The following EP300 variants were observed in gnomAD, a reference collection of about 807,000 sequenced individuals.
The protein encoded by EP300 is EP300 lysine acetyltransferase, also known as histone acetyltransferase p300.
A neutral mutation model predicts 264.0 loss-of-function variants in EP300; 31 were observed. The ratio of observed to expected loss-of-function variants is 0.12; its 90% confidence interval spans 0.09 to 0.16. EP300 has a LOEUF of 0.16. Ranked by LOEUF, EP300 falls within the 10% of genes least tolerant of loss-of-function variation. The probability of loss-of-function intolerance (pLI) is 1.00; values close to 1 mark genes in which losing one functional copy is unlikely to be tolerated. For synonymous variants in EP300, 1,340 were observed against 1,045.4 expected, an observed-to-expected ratio of 1.28 and a Z score of -5.44; for missense variants, 2,766 against 3,052.9, an observed-to-expected ratio of 0.91 and a Z score of 2.21.
At chr22:41,129,170 C>CT (rs397868220) in intron 4 of EP300, among the ~76,000 whole-genome samples, 3 of 135,042 alleles carry the variant, frequency 2.2e-5, no homozygotes, top group Non-Finnish European at 5.1e-5. Context: ...GCCACCATGG[C>CT]GGCTAATTTT....
At chr22:41,118,284 A>T (rs987997521) in intron 2 of EP300, among the ~76,000 whole-genome samples, 1 of 152,210 alleles carries the variant, frequency 6.6e-6, no homozygotes, top group Non-Finnish European at 1.5e-5. Flanking sequence ...GCATTTGTTC[A>T]TGTGAAACCT....
intron 4 of EP300, 101 bp downstream of exon 4, chr22:41,127,849 T>C: frequency 1.4e-6 from 2 of 1,443,846 alleles, no homozygotes; most frequent in Non-Finnish European, 1.9e-6. Flanking sequence ...ATATGTTTAA[T>C]ACCTTAATTG....
chr22:41,096,682 G>A (rs1342868131), intron 1 of EP300, among the ~76,000 whole-genome samples: 4 of 143,062 alleles, frequency 2.8e-5, no homozygotes, highest in Non-Finnish European at 6.0e-5. Context: ...GCAGTAGCTC[G>A]ATCTTGGCTC....
chr22:41,116,026 G>A (rs2058819203), intron 1 of EP300, among the ~76,000 whole-genome samples: 1 of 152,138 alleles, frequency 6.6e-6, no homozygotes, highest in Non-Finnish European at 1.5e-5. Flanking sequence ...TTTGTGTGTA[G>A]ATATTTTAAC....
At chr22:41,147,303 CAAA>C (rs11306415) in intron 11 of EP300, among the ~76,000 whole-genome samples, 17 of 123,124 alleles carry the variant, frequency 1.4e-4, no homozygotes, top group East Asian at 2.3e-4. Flanking sequence ...GACTTCGTCT[CAAA>C]AAAAAAAAAA....
chr22:41,167,814 G>GGTTTGTTTTTTTTTTTTTTTTTTTTTTT, intron 23 of EP300, among the ~76,000 whole-genome samples: 1 of 66,228 alleles, frequency 1.5e-5, no homozygotes, highest in Admixed American at 2.7e-4. Flanking sequence ...GTTTGTTTTT[G>GGTTTGTTTTTTTTTTTTTTTTTTTTTTT]TTTTTTTTTT....
intron 6 of EP300, among the ~76,000 whole-genome samples, chr22:41,132,314 AGTCTCGCTCT>A (rs2058924708): frequency 1.1e-5 from 1 of 91,254 alleles, no homozygotes; most frequent in African/African-American, 4.3e-5. Flanking sequence ...TTTGAGATGG[AGTCTCGCTCT>A]GTTGTCAGGC....
At chr22:41,173,046 C>T (rs1201574127) in intron 28 of EP300, among the ~76,000 whole-genome samples, 1 of 152,092 alleles carries the variant, frequency 6.6e-6, no homozygotes, top group African/African-American at 2.4e-5. Flanking sequence ...TGTAAAAAAC[C>T]ATTCTTAGCT....
chr22:41,096,933 C>T (rs1417905517), intron 1 of EP300, among the ~76,000 whole-genome samples: 1 of 152,130 alleles, frequency 6.6e-6, no homozygotes, highest in African/African-American at 2.4e-5. Flanking sequence ...GCTCTATTTT[C>T]TTAAAATGCC....
intron 18 of EP300, 51 bp from the exon 19 acceptor site, chr22:41,158,361 T>C: frequency 6.7e-7 from 1 of 1,482,736 alleles, no homozygotes; most frequent in Non-Finnish European, 9.4e-7. Context: ...CTTACTGTTC[T>C]AGCTTGTCCT....
Position 41,151,900 on chromosome 22 carries a change from T to G in EP300, c.2885T>G (p.Val962Gly). 1 of 1,614,012 alleles carries G rather than the reference T, an allele frequency of 6.2e-7. No individual in the cohort carries two copies. Among genetic ancestry groups the G allele is most frequent in the Non-Finnish European group, 8.5e-7 (1 of 1,179,998 alleles). Residue 962 changes from valine (V) to glycine (G), a missense_variant, in exon 15 of 31, where the codon GTG becomes GGG. Physicochemically the swap from Val to Gly is moderately radical, Grantham distance 109. Transcript: ENST00000263253. ...CCTCCATCTACTAGTAGCACAGAAG[T>G]GAATTCTCAGGCCATTGCTGAGAAG... ...SNPPSTSSTE[V>G]NSQAIAEKQP...
At chr22:41,112,681 T>TA (rs2058799659) in intron 1 of EP300, among the ~76,000 whole-genome samples, 1 of 150,212 alleles carries the variant, frequency 6.7e-6, no homozygotes, top group African/African-American at 2.5e-5. Flanking sequence ...GTGTTTTTCT[T>TA]ATATTGGCCA....
Position 41,141,644 on chromosome 22 carries a change from A to G in EP300, c.2053+422A>G, listed in dbSNP as rs183409215. On this transcript the variant is annotated intron_variant, in intron 10 of 30. Coordinates refer to ENST00000263253, the MANE Select transcript of EP300 (RefSeq NM_001429.4). The stretch of plus-strand genomic sequence containing the variant: ...CTGTCACACTTTCTACTTGACATAA[A>G]ATATTCTAAGTCTAGGAACTCTTTT... Among the ~76,000 whole-genome samples the G allele has an allele frequency of 3.2e-3, 493 of 152,038 alleles. 4 individuals carry two copies. Among genetic ancestry groups the G allele is most frequent in the African/African-American group, 0.011 (465 of 41,506 alleles).
In EP300 at chr22:41,177,165, G is replaced by C. The variant is rs148026063; in HGVS notation, c.5454G>C (p.Leu1818=). 25 of 1,614,110 alleles carry C rather than the reference G, an allele frequency of 1.5e-5. No individual in the cohort carries two copies. The African/African-American group carries it at 2.9e-4, about 19-fold the overall frequency. The change falls in exon 31 of 31, where the codon CTG becomes CTC. Residue 1818 remains leucine (L), a synonymous_variant. Transcript: ENST00000263253. ...NIKQKLRQQQ[L]QHRLQQAQML... is the part of the protein sequence containing the mutation. ...AGCAGAAGCTCCGGCAGCAACAGCT[G>C]CAGCACCGACTACAGCAGGCCCAAA...
chr22:41,175,208 G>C (rs1432162707), intron 29 of EP300, among the ~76,000 whole-genome samples: 2 of 152,150 alleles, frequency 1.3e-5, no homozygotes, highest in Non-Finnish European at 2.9e-5. Flanking sequence ...TTTAAATTTA[G>C]GTTGTAAATC....
At chr22:41,121,850 T>A (rs2058853724) in intron 2 of EP300, among the ~76,000 whole-genome samples, 1 of 152,200 alleles carries the variant, frequency 6.6e-6, no homozygotes, top group African/African-American at 2.4e-5. Flanking sequence ...TGTCTTAGTC[T>A]TTTATTGTTT....
chr22:41,173,492 G>A, intron 28 of EP300, 131 bp from the exon 29 acceptor site: 1 of 979,456 alleles, frequency 1.0e-6, no homozygotes. Flanking sequence ...TAAGTGAAGA[G>A]AACAGCTAGT....
At position 41,166,627 on chromosome 22, in the gene EP300, A is replaced by G; in HGVS notation, c.3835A>G (p.Ser1279Gly). Reference sequence around the variant, plus strand: ...CGTCTGTGATGGCTGTTTAAAGAAAAGTGCACGAACTAGGAAAGAAAATAA... The same window carrying G: ...CGTCTGTGATGGCTGTTTAAAGAAAGGTGCACGAACTAGGAAAGAAAATAA... ...GFVCDGCLKK[S>G]ARTRKENKFS... The change falls in exon 23 of 31, where the codon AGT becomes GGT. Residue 1279 changes from serine to glycine, a missense_variant. Ser to Gly is a moderately conservative substitution (Grantham distance 56). Transcript: ENST00000263253. The G allele has an allele frequency of 4.3e-6, 7 of 1,613,282 alleles. No homozygotes were observed. The highest frequency in any genetic ancestry group is 5.9e-6 in the Non-Finnish European group (7 of 1,179,634).
At position 41,149,057 on chromosome 22, in the gene EP300, G is replaced by A. The variant is rs544338126; in HGVS notation, c.2261G>A (p.Arg754His). The change falls in exon 13 of 31, where the codon CGT becomes CAT. Residue 754 changes from arginine (R) to histidine (H), a missense_variant. Coordinates refer to ENST00000263253, the MANE Select transcript of EP300 (RefSeq NM_001429.4). ...ALNPPMGYGP[R>H]MQQPSNQGQF... ...TTTCAGCCTATGGGCTATGGGCCTC[G>A]TATGCAACAGCCTTCCAACCAGGGC... 30 of 1,611,610 alleles carry A rather than the reference G, an allele frequency of 1.9e-5. No homozygotes were observed. The highest frequency in any genetic ancestry group is 2.7e-5 in the African/African-American group (2 of 74,080).
Sources: allele counts gnomAD v4.1 joint callset (sites outside exome capture counted in the v4.1 genomes callset), GRCh38; gene constraint gnomAD v4.1.1; transcripts MANE v1.5; gene names NCBI Gene and HGNC (gene_info 2026-07-23, HGNC 2026-07-21).